Variants in CACNB2 observed in about 807,000 individuals in gnomAD.
CACNB2 encodes voltage-dependent L-type calcium channel subunit beta-2.
Under a neutral mutation model 73.3 loss-of-function variants are expected in CACNB2, and 42 were observed. That is an observed-to-expected ratio of 0.57 (90% CI 0.45 to 0.74). The LOEUF is 0.74. CACNB2 is among the 30% of genes least tolerant of loss of function. The pLI is 0.00. For synonymous variants in CACNB2, 348 were observed against 310.3 expected, an observed-to-expected ratio of 1.12 and a Z score of -1.28; for missense variants, 940 against 853.0, an observed-to-expected ratio of 1.10 and a Z score of -1.27.
intron 2 of CACNB2, among the ~76,000 whole-genome samples, chr10:18,275,657 A>C (rs2038253643): frequency 1.3e-5 from 2 of 152,204 alleles, no homozygotes; most frequent in Admixed American, 1.3e-4. Context: ...ATTTTTCTAA[A>C]AAAAGAAAGT....
At chr10:18,343,539 G>A (rs2041319121) in intron 2 of CACNB2, among the ~76,000 whole-genome samples, 1 of 152,154 alleles carries the variant, frequency 6.6e-6, no homozygotes, top group Admixed American at 6.6e-5. Flanking sequence ...AACGATCAGA[G>A]TACATGCATA....
At chr10:18,443,666 G>A (rs1474359657) in intron 3 of CACNB2, among the ~76,000 whole-genome samples, 1 of 151,000 alleles carries the variant, frequency 6.6e-6, no homozygotes, top group East Asian at 1.9e-4. Context: ...AGAGCCTTCT[G>A]TCCTTATCCA....
At chr10:18,194,608 G>T (rs758412268) in intron 2 of CACNB2, among the ~76,000 whole-genome samples, 22 of 152,148 alleles carry the variant, frequency 1.4e-4, no homozygotes, top group Non-Finnish European at 2.9e-4. Flanking sequence ...GTTCATTCTG[G>T]GACAGGCAAT....
At chr10:18,284,346 C>T (rs548230585) in intron 2 of CACNB2, among the ~76,000 whole-genome samples, 14 of 152,278 alleles carry the variant, frequency 9.2e-5, no homozygotes, top group East Asian at 3.9e-4. Context: ...CCCACCAATA[C>T]GTGGGAATTG....
rs77009203 is a variant in CACNB2, at chr10:18,486,922, G to A, written c.334-11433G>A. ...ACGTGGAAGAAATGAGTTTAAGAGC[G>A]GAGGTTTAATAGGTGAAAGAAAAAG... On this transcript the variant is annotated intron_variant, in intron 3 of 13. Transcript: ENST00000324631. Among the ~76,000 whole-genome samples, 409 of 152,250 alleles carry A rather than the reference G, an allele frequency of 2.7e-3. 1 individual carries two copies. Among genetic ancestry groups the A allele is most frequent in the African/African-American group, 7.7e-3 (320 of 41,562 alleles).
chr10:18,177,578 CA>C lies in CACNB2; in HGVS notation c.213+26614del, dbSNP rs530495405. 7.6e-4 allele frequency among the ~76,000 whole-genome samples: 103 copies of C among 134,950 alleles called. 1 individual carries two copies. Among genetic ancestry groups the C allele is most frequent in the East Asian group, 3.8e-3 (18 of 4,716 alleles). 88.5% of individuals were successfully genotyped at this position (134,950 alleles called of 152,430 possible). ...TGGAAGACACAGCAAGACTCCATCT[CA>C]AAAAAAAAAAGAAGAAGAAGAAGAA... On this transcript the variant is annotated intron_variant, in intron 2 of 13. Transcript: ENST00000324631.
chr10:18,366,089 AC>A (rs1425496091), intron 2 of CACNB2, among the ~76,000 whole-genome samples: 1 of 152,154 alleles, frequency 6.6e-6, no homozygotes, highest in African/African-American at 2.4e-5. Flanking sequence ...TACCTGGCTC[AC>A]TGGAATGTTG....
At chr10:18,496,828 A>G (rs2049855486) in intron 3 of CACNB2, among the ~76,000 whole-genome samples, 3 of 149,876 alleles carry the variant, frequency 2.0e-5, no homozygotes, top group South Asian at 4.2e-4. Flanking sequence ...AAAAAAAAAA[A>G]AAAAAAGGAA....
At chr10:18,449,873 A>G (rs961263109) in intron 3 of CACNB2, among the ~76,000 whole-genome samples, 1 of 152,210 alleles carries the variant, frequency 6.6e-6, no homozygotes, top group Non-Finnish European at 1.5e-5. Flanking sequence ...AAGGGGCCTC[A>G]GAAAGGTCAC....
Position 18,534,096 on chromosome 10 carries a change from G to A in CACNB2, c.1075G>A (p.Glu359Lys). The change falls in exon 11 of 14, where the codon GAA becomes AAA. Residue 359 changes from glutamate to lysine, a missense_variant. Transcript: ENST00000324631. Reference protein sequence around the residue: ...SSLAEVQSEIERIFELARTLQ... With the variant: ...SSLAEVQSEIKRIFELARTLQ... ...TACAGCGGAAGTTCAGAGTGAAATCGAAAGGATTTTTGAACTTGCAAGAAC... is the reference window on the plus strand; with the variant it reads ...TACAGCGGAAGTTCAGAGTGAAATCAAAAGGATTTTTGAACTTGCAAGAAC... 1 of 1,613,982 alleles carries A rather than the reference G, an allele frequency of 6.2e-7. No individual in the cohort carries two copies. Among genetic ancestry groups the A allele is most frequent in the Non-Finnish European group, 8.5e-7 (1 of 1,179,938 alleles).
chr10:18,304,041 A>C (rs2039632772), intron 2 of CACNB2, among the ~76,000 whole-genome samples: 1 of 152,178 alleles, frequency 6.6e-6, no homozygotes, highest in African/African-American at 2.4e-5. Flanking sequence ...CTGCAGCCTC[A>C]AACTTCCAGG....
intron 2 of CACNB2, among the ~76,000 whole-genome samples, chr10:18,324,042 TCATACGAATGA>T (rs1247028657): frequency 6.6e-6 from 1 of 152,186 alleles, no homozygotes; most frequent in African/African-American, 2.4e-5. Flanking sequence ...ATCTAACTGA[TCATACGAATGA>T]GTGTAATGGC....
At chr10:18,399,709 CT>C (rs778752757) in intron 2 of CACNB2, among the ~76,000 whole-genome samples, 133 of 149,182 alleles carry the variant, frequency 8.9e-4, no homozygotes, top group East Asian at 4.3e-3. Context: ...CTTAAGAACA[CT>C]TTTTTTTTTC....
At chr10:18,246,628 T>C (rs1320180905) in intron 2 of CACNB2, among the ~76,000 whole-genome samples, 1 of 152,160 alleles carries the variant, frequency 6.6e-6, no homozygotes, top group Non-Finnish European at 1.5e-5. Flanking sequence ...TCATACAGGC[T>C]GGAGTGCAGT....
intron 9 of CACNB2, 78 bp downstream of exon 9, chr10:18,519,046 C>A: frequency 7.8e-7 from 1 of 1,274,034 alleles, no homozygotes; most frequent in Non-Finnish European, 1.1e-6. Flanking sequence ...GCGTGTGATT[C>A]CAAGAGAAAA....
chr10:18,196,060 T>C (rs548499151), intron 2 of CACNB2, among the ~76,000 whole-genome samples: 29 of 152,330 alleles, frequency 1.9e-4, no homozygotes, highest in African/African-American at 6.0e-4. Flanking sequence ...CTGTTTTGCA[T>C]GAGCTTTACA....
chr10:18,513,568 A>G (rs2050983244), intron 6 of CACNB2: 1 of 388,428 alleles, frequency 2.6e-6, no homozygotes, highest in South Asian at 2.0e-5. Context: ...CATTGTTGAT[A>G]TTGCAAGTTG....
intron 2 of CACNB2, among the ~76,000 whole-genome samples, chr10:18,332,524 A>G (rs1353567431): frequency 2.0e-5 from 3 of 152,362 alleles, no homozygotes; most frequent in Non-Finnish European, 4.4e-5. Flanking sequence ...CCAACCTCGC[A>G]GAAACAAAGA....
At chr10:18,535,629 C>T (rs564338824) in intron 11 of CACNB2, among the ~76,000 whole-genome samples, 43 of 144,972 alleles carry the variant, frequency 3.0e-4, no homozygotes, top group Admixed American at 8.1e-4. Context: ...AAAAATTAGC[C>T]GGGCGTGGTG....
Sources: gnomAD v4.1 joint callset for allele counts (sites outside exome capture counted in the v4.1 genomes callset) on GRCh38, gnomAD v4.1.1 for gene constraint, MANE v1.5 for transcripts, NCBI Gene and HGNC (gene_info 2026-07-23, HGNC 2026-07-21) for gene names.